The following GRM5 variants were observed in gnomAD, a reference collection of about 807,000 sequenced individuals.
The protein encoded by GRM5 is metabotropic glutamate receptor 5.
In GRM5, 19 loss-of-function variants were observed where a neutral mutation model predicts 83.1. The observed-to-expected ratio is 0.23, with a 90% CI of 0.16 to 0.34. The LOEUF is 0.34. Among genes scored for constraint, GRM5 ranks in the 10% least tolerant of loss-of-function variants. The pLI is 1.00. For synonymous variants in GRM5, 675 were observed against 633.6 expected (o/e 1.07, Z -0.98); for missense variants, 1,160 against 1,588.3 (o/e 0.73, Z 4.58).
intron 4 of GRM5, among the ~76,000 whole-genome samples, chr11:88,625,224 C>T (rs542802477): frequency 6.6e-6 from 1 of 152,090 alleles, no homozygotes; most frequent in Admixed American, 6.5e-5. Context: ...ATTTCTACCT[C>T]ACTCAGAGAA....
chr11:88,820,374 C>CAAAAA (rs11457342), intron 3 of GRM5, among the ~76,000 whole-genome samples: 2,816 of 68,622 alleles, frequency 0.041, 264 homozygotes, highest in African/African-American at 0.13. Flanking sequence ...AACTCCATCT[C>CAAAAA]AAAAAAAAAA....
intron 3 of GRM5, among the ~76,000 whole-genome samples, chr11:88,800,197 AG>A (rs959685700): frequency 1.3e-5 from 2 of 152,156 alleles, no homozygotes; most frequent in Non-Finnish European, 2.9e-5. Context: ...GAGGCTTAAA[AG>A]GAGGGCAAAT....
intron 3 of GRM5, among the ~76,000 whole-genome samples, chr11:88,780,060 C>G (rs1376428248): frequency 6.6e-6 from 1 of 152,164 alleles, no homozygotes; most frequent in Non-Finnish European, 1.5e-5. Flanking sequence ...CAGATCTCAA[C>G]TCTTCTGCAG....
At chr11:88,708,988 TAATC>T (rs1941224276) in intron 3 of GRM5, among the ~76,000 whole-genome samples, 1 of 152,172 alleles carries the variant, frequency 6.6e-6, no homozygotes, top group Non-Finnish European at 1.5e-5. Flanking sequence ...ATACCATATT[TAATC>T]AGTTCTGGTT....
intron 2 of GRM5, among the ~76,000 whole-genome samples, chr11:88,987,200 G>C (rs1477167289): frequency 8.5e-5 from 13 of 152,156 alleles, no homozygotes; most frequent in Admixed American, 6.5e-4. Context: ...CACTCGGGAA[G>C]TGCAAGGGGT....
intron 3 of GRM5, among the ~76,000 whole-genome samples, chr11:88,670,635 T>C (rs1049088632): frequency 2.0e-5 from 3 of 151,992 alleles, no homozygotes; most frequent in African/African-American, 4.8e-5. Flanking sequence ...GAAAAGTAAG[T>C]GGTCAGGAAG....
At chr11:89,044,723 T>G (rs1199000525) in intron 2 of GRM5, among the ~76,000 whole-genome samples, 1 of 152,056 alleles carries the variant, frequency 6.6e-6, no homozygotes, top group Non-Finnish European at 1.5e-5. Flanking sequence ...TATCAAGTAC[T>G]GGGATTAATT....
chr11:88,633,271 C>A (rs1939029638), intron 4 of GRM5, among the ~76,000 whole-genome samples: 3 of 152,088 alleles, frequency 2.0e-5, no homozygotes, highest in Non-Finnish European at 4.4e-5. Context: ...CTCATCTACC[C>A]CAATTATAGG....
At chr11:88,952,903 T>C (rs1383555291) in intron 2 of GRM5, among the ~76,000 whole-genome samples, 1 of 152,176 alleles carries the variant, frequency 6.6e-6, no homozygotes, top group Non-Finnish European at 1.5e-5. Flanking sequence ...AAAAGGAATA[T>C]AGAGAAGACA....
intron 1 of GRM5, 85 bp from the exon 2 acceptor site, chr11:89,048,157 A>G: frequency 3.2e-6 from 1 of 316,598 alleles, no homozygotes; most frequent in Non-Finnish European, 5.8e-6. Flanking sequence ...TTAGCAGAGA[A>G]AATATTTTGA....
intron 2 of GRM5, among the ~76,000 whole-genome samples, chr11:88,983,491 T>C (rs535185346): frequency 1.5e-4 from 23 of 152,312 alleles, no homozygotes; most frequent in African/African-American, 5.3e-4. Flanking sequence ...TATAATGTCA[T>C]AGTGCACCTC....
chr11:88,878,541 A>C (rs982831435), intron 2 of GRM5, among the ~76,000 whole-genome samples: 2 of 152,194 alleles, frequency 1.3e-5, no homozygotes, highest in African/African-American at 4.8e-5. Flanking sequence ...AGGGACATAT[A>C]CTAGGCTGGC....
At chr11:88,969,876 C>A (rs1939115357) in intron 2 of GRM5, among the ~76,000 whole-genome samples, 1 of 152,064 alleles carries the variant, frequency 6.6e-6, no homozygotes, top group Admixed American at 6.6e-5. Context: ...ATAGTCATAT[C>A]AAGAAACTTG....
intron 3 of GRM5, among the ~76,000 whole-genome samples, chr11:88,722,687 C>T (rs1941575784): frequency 6.6e-6 from 1 of 152,090 alleles, no homozygotes; most frequent in Admixed American, 6.6e-5. Flanking sequence ...CATGGCTATG[C>T]TATAATTTCT....
At chr11:88,863,282 A>G (rs1943777) in intron 2 of GRM5, among the ~76,000 whole-genome samples, 67,507 of 151,928 alleles carry the variant, frequency 0.44, 15,311 homozygotes, top group East Asian at 0.57. Context: ...AGGAATATAA[A>G]TCATTCTATT....
chr11:88,644,963 G>T (rs1418416941), intron 4 of GRM5, among the ~76,000 whole-genome samples: 5 of 152,044 alleles, frequency 3.3e-5, no homozygotes, highest in Non-Finnish European at 7.4e-5. Flanking sequence ...TAGGGGAGTG[G>T]TTGTTAAGGT....
intron 4 of GRM5, chr11:88,612,701 C>A (rs1591382037): frequency 6.6e-6 from 1 of 152,046 alleles, no homozygotes; most frequent in East Asian, 1.9e-4. Flanking sequence ...TTTTGATTTG[C>A]ATTTCTCTGA....
intron 7 of GRM5, among the ~76,000 whole-genome samples, chr11:88,584,491 TG>T (rs761745058): frequency 1.4e-4 from 22 of 152,280 alleles, no homozygotes; most frequent in Non-Finnish European, 3.1e-4. Context: ...TGGAGTGCAG[TG>T]GCATGATCTC....
chr11:89,024,479 A>C (rs1157915537), intron 2 of GRM5, among the ~76,000 whole-genome samples: 3 of 152,244 alleles, frequency 2.0e-5, no homozygotes, highest in East Asian at 3.8e-4. Flanking sequence ...TTATTTTGGC[A>C]TTAAATTCAT....
Sources: allele counts gnomAD v4.1 joint callset (sites outside exome capture counted in the v4.1 genomes callset), GRCh38; gene constraint gnomAD v4.1.1; transcripts MANE v1.5; gene names NCBI Gene and HGNC (gene_info 2026-07-23, HGNC 2026-07-21).